The following CSMD1 variants were observed in gnomAD, a reference collection of about 807,000 sequenced individuals.
The protein encoded by CSMD1 is CUB and sushi domain-containing protein 1.
Under a neutral mutation model 417.5 loss-of-function variants are expected in CSMD1, and 213 were observed. That is an observed-to-expected ratio of 0.51 (90% CI 0.46 to 0.57). CSMD1 has a LOEUF of 0.57. Among genes scored for constraint, CSMD1 ranks in the 20% least tolerant of loss-of-function variants. The probability of loss-of-function intolerance (pLI) is 0.00; values close to 1 mark genes in which losing one functional copy is unlikely to be tolerated. For synonymous variants in CSMD1, 2,862 were observed against 1,736.8 expected (o/e 1.65, Z -16.11); for missense variants, 6,923 against 4,529.7 (o/e 1.53, Z -15.17).
chr8:3,764,452 CAT>C (rs1453464616), intron 5 of CSMD1, among the ~76,000 whole-genome samples: 2 of 152,180 alleles, frequency 1.3e-5, no homozygotes, highest in Non-Finnish European at 2.9e-5. Flanking sequence ...GCCCTGAAGA[CAT>C]GCGTGTGAGT....
intron 3 of CSMD1, among the ~76,000 whole-genome samples, chr8:4,238,183 C>T (rs1451775697): frequency 6.6e-6 from 1 of 152,188 alleles, no homozygotes; most frequent in Non-Finnish European, 1.5e-5. Flanking sequence ...CTTAGAATGC[C>T]AAGTACGTCG....
At chr8:4,888,597 CGGCAGT>C (rs1803907672) in intron 1 of CSMD1, among the ~76,000 whole-genome samples, 1 of 151,804 alleles carries the variant, frequency 6.6e-6, no homozygotes. Flanking sequence ...AGAAGGACTA[CGGCAGT>C]GACATCCCAA....
At chr8:3,922,676 T>A (rs537778127) in intron 5 of CSMD1, among the ~76,000 whole-genome samples, 1 of 152,194 alleles carries the variant, frequency 6.6e-6, no homozygotes, top group Non-Finnish European at 1.5e-5. Flanking sequence ...GTGCTTTTCA[T>A]CCAAATCTGT....
chr8:3,891,108 T>C (rs1286848290), intron 5 of CSMD1, among the ~76,000 whole-genome samples: 2 of 151,982 alleles, frequency 1.3e-5, no homozygotes, highest in Non-Finnish European at 1.5e-5. Context: ...GAGTGTAGTG[T>C]TGTGATCTTG....
chr8:4,944,957 G>A (rs1325171677), intron 1 of CSMD1, among the ~76,000 whole-genome samples: 5 of 152,138 alleles, frequency 3.3e-5, no homozygotes, highest in Non-Finnish European at 5.9e-5. Flanking sequence ...GCATGTCCAC[G>A]TGTGTATCAG....
chr8:4,721,696 C>G (rs1267708057), intron 1 of CSMD1, among the ~76,000 whole-genome samples: 1 of 152,088 alleles, frequency 6.6e-6, no homozygotes, highest in South Asian at 2.1e-4. Context: ...CCAGCAATCC[C>G]CCTGTTGTAT....
At chr8:4,852,685 G>C (rs961485864) in intron 1 of CSMD1, among the ~76,000 whole-genome samples, 3 of 152,164 alleles carry the variant, frequency 2.0e-5, no homozygotes, top group Non-Finnish European at 2.9e-5. Context: ...GGACTCAAAA[G>C]ACGACAGGAA....
intron 1 of CSMD1, among the ~76,000 whole-genome samples, chr8:4,712,205 G>T (rs934096439): frequency 6.6e-6 from 1 of 152,168 alleles, no homozygotes; most frequent in African/African-American, 2.4e-5. Flanking sequence ...GAATCCATTA[G>T]CTCTTGACCT....
intron 12 of CSMD1, among the ~76,000 whole-genome samples, chr8:3,439,465 T>A (rs1175066327): frequency 6.8e-6 from 1 of 147,620 alleles, no homozygotes; most frequent in African/African-American, 2.5e-5. Flanking sequence ...TCTGAACATA[T>A]CCTAACTCTG....
chr8:3,634,858 T>C (rs1466767401), intron 7 of CSMD1, among the ~76,000 whole-genome samples: 1 of 152,132 alleles, frequency 6.6e-6, no homozygotes, highest in South Asian at 2.1e-4. Context: ...CAGTGCACTG[T>C]GCACTTGCCC....
rs151091488 is a variant in CSMD1 at position 4,251,861 on chromosome 8, G to C, written c.415+168092C>G. Among the ~76,000 whole-genome samples, 1,227 of 145,204 alleles carry C rather than the reference G, an allele frequency of 8.5e-3. 17 individuals are homozygous for C. The highest frequency in any genetic ancestry group is 0.03 in the African/African-American group (1,185 of 39,494). ...GAGAGATGCAGGAGGAGAGATGGAG[G>C]AGAGAGAGGGTGGAGGAAGAGGGGA... On this transcript the variant is annotated intron_variant, in intron 3 of 69. Transcript: ENST00000635120.
At chr8:4,434,893 G>A (rs73658892) in intron 2 of CSMD1, among the ~76,000 whole-genome samples, 4,476 of 152,184 alleles carry the variant, frequency 0.029, 231 homozygotes, top group African/African-American at 0.1. Context: ...AGAAAATGCT[G>A]TATTTTGTCA....
intron 2 of CSMD1, among the ~76,000 whole-genome samples, chr8:4,434,207 G>C (rs1585068193): frequency 6.6e-6 from 1 of 152,090 alleles, no homozygotes; most frequent in Admixed American, 6.6e-5. Flanking sequence ...GCATGGTAAT[G>C]AGCACCTGTA....
rs150492668 is a variant in CSMD1 at position 3,276,581 on chromosome 8, T to G, written c.4153+7563A>C. On this transcript the variant is annotated intron_variant, in intron 26 of 69. Coordinates refer to ENST00000635120, the MANE Select transcript of CSMD1 (RefSeq NM_033225.6). ...ATTCGATTACCTCCCACTGGGTCCC[T>G]CCCATGATACGTGGGAATTGTGGGA... Among the ~76,000 whole-genome samples, 1,075 of 152,214 alleles carry G rather than the reference T, an allele frequency of 7.1e-3. 8 individuals carry two copies. The highest frequency in any genetic ancestry group is 0.011 in the Non-Finnish European group (726 of 68,002).
rs1450363567 is a variant in CSMD1 at position 4,587,775 on chromosome 8, A to G, written c.302+49567T>C. Reference sequence around the variant, plus strand: ...ATTTATAGTAGATGCTAACACAAGCACTTTTCACATTATGAACTTGTGGGT... The same window carrying G: ...ATTTATAGTAGATGCTAACACAAGCGCTTTTCACATTATGAACTTGTGGGT... On this transcript the variant is annotated intron_variant, in intron 2 of 69. Coordinates refer to ENST00000635120, the MANE Select transcript of CSMD1 (RefSeq NM_033225.6). Among the ~76,000 whole-genome samples, 6 of 152,318 alleles carry G rather than the reference A, an allele frequency of 3.9e-5. No individual in the cohort carries two copies. The East Asian group carries it at 1.2e-3, about 29-fold the overall frequency.
At chr8:4,872,544 G>A (rs553976180) in intron 1 of CSMD1, among the ~76,000 whole-genome samples, 7 of 152,058 alleles carry the variant, frequency 4.6e-5, no homozygotes, top group African/African-American at 1.7e-4. Flanking sequence ...AGTTTCCTGA[G>A]GCTTCCCCAA....
At chr8:3,745,935 G>A (rs563084274) in intron 6 of CSMD1, among the ~76,000 whole-genome samples, 1 of 152,188 alleles carries the variant, frequency 6.6e-6, no homozygotes, top group Non-Finnish European at 1.5e-5. Flanking sequence ...GCAGGCCGGG[G>A]GGAAAGGCCA....
At chr8:3,833,360 G>A (rs879154014) in intron 5 of CSMD1, among the ~76,000 whole-genome samples, 28 of 151,862 alleles carry the variant, frequency 1.8e-4, no homozygotes, top group Admixed American at 1.7e-3. Context: ...ATATACAACG[G>A]CATTTCCTCA....
chr8:2,990,750 G>C lies in CSMD1; in HGVS notation c.8377+7261C>G, dbSNP rs184833312. ...TGAATGTAAGATGCTCTCTACCCTG[G>C]AAGAGCGAGAAGCGATGATAATCCC... is the stretch of plus-strand genomic sequence containing the variant. On this transcript the variant is annotated intron_variant, in intron 54 of 69. Transcript: ENST00000635120. Among the ~76,000 whole-genome samples, 4 of 152,270 alleles carry C rather than the reference G, an allele frequency of 2.6e-5. No homozygotes were observed. In the East Asian group the frequency reaches 7.7e-4, roughly 29 times the overall value.
Sources: allele counts gnomAD v4.1 joint callset (sites outside exome capture counted in the v4.1 genomes callset), GRCh38; gene constraint gnomAD v4.1.1; transcripts MANE v1.5; gene names NCBI Gene and HGNC (gene_info 2026-07-23, HGNC 2026-07-21).